Variants in TMEM232 observed in about 807,000 individuals in gnomAD.
TMEM232 encodes the protein transmembrane protein 232.
Under a neutral mutation model 78.8 loss-of-function variants are expected in TMEM232, and 80 were observed. The observed-to-expected ratio is 1.01, with a 90% CI of 0.85 to 1.22. TMEM232 has a LOEUF of 1.22. TMEM232 is among the 50% of genes most tolerant of loss of function. The pLI, the probability that TMEM232 is intolerant of heterozygous loss-of-function variation, is 0.00. For synonymous variants in TMEM232, 297 were observed against 254.3 expected (o/e 1.17, Z -1.60); for missense variants, 881 against 742.2 (o/e 1.19, Z -2.17).
At chr5:110,546,535 T>G (rs1160614369) in intron 11 of TMEM232, among the ~76,000 whole-genome samples, 2 of 152,120 alleles carry the variant, frequency 1.3e-5, no homozygotes, top group East Asian at 3.8e-4. Context: ...GGTAATAATA[T>G]TATTGTATAA....
chr5:110,566,632 C>A (rs1028737351), intron 11 of TMEM232, among the ~76,000 whole-genome samples: 1 of 151,966 alleles, frequency 6.6e-6, no homozygotes, highest in Non-Finnish European at 1.5e-5. Flanking sequence ...CCACCTCAGT[C>A]TGGACTTCAT....
chr5:110,667,406 CAT>C, intron 1 of TMEM232, 42 bp from the exon 2 acceptor site: 1 of 1,384,034 alleles, frequency 7.2e-7, no homozygotes, highest in Non-Finnish European at 9.5e-7. Context: ...CAAATGCACT[CAT>C]AGTATCAAAC....
intron 2 of TMEM232, among the ~76,000 whole-genome samples, chr5:110,659,463 C>A (rs1314307984): frequency 6.6e-6 from 1 of 152,054 alleles, no homozygotes; most frequent in Non-Finnish European, 1.5e-5. Flanking sequence ...CTTACAGGTG[C>A]CTGGGAGAGA....
chr5:110,565,790 A>T (rs1236165797), intron 11 of TMEM232, among the ~76,000 whole-genome samples: 1 of 151,940 alleles, frequency 6.6e-6, no homozygotes, highest in Non-Finnish European at 1.5e-5. Flanking sequence ...AAATATTAGC[A>T]ATATTAATGA....
chr5:110,680,396 CAAA>C (rs1189611727), intron 1 of TMEM232, among the ~76,000 whole-genome samples: 1 of 24,658 alleles, frequency 4.1e-5, no homozygotes, highest in South Asian at 2.0e-3. Context: ...GACTCTATCT[CAAA>C]AAAAAAAAAA....
intron 12 of TMEM232, among the ~76,000 whole-genome samples, chr5:110,436,013 A>G (rs1758392839): frequency 6.6e-6 from 1 of 151,922 alleles, no homozygotes; most frequent in South Asian, 2.1e-4. Flanking sequence ...CTTTACTTTT[A>G]GTTTTCAGAG....
At position 110,524,411 on chromosome 5, in the gene TMEM232, G is replaced by GAAAGA. The variant is rs202226775; in HGVS notation, c.1703+4172_1703+4176dup. On this transcript the variant is annotated intron_variant, in intron 12 of 13. Coordinates refer to ENST00000455884, the MANE Select transcript of TMEM232 (RefSeq NM_001039763.4). ...AGAAAGAAAGAAAGAAAGAAAGAAA[G>GAAAGA]AAAGAAAAGAAAAGAAAAGAAAAGA... is the stretch of plus-strand genomic sequence containing the variant. Among the ~76,000 whole-genome samples the GAAAGA allele has an allele frequency of 5.0e-3, 309 of 61,408 alleles. 3 individuals are homozygous for GAAAGA. Among genetic ancestry groups the GAAAGA allele is most frequent in the Admixed American group, 0.028 (167 of 5,966 alleles). 40.3% of individuals were successfully genotyped at this position (61,408 alleles called of 152,430 possible). A position where few individuals can be genotyped will look rare whatever the true frequency, so the allele number is the denominator to read the frequency against.
intron 12 of TMEM232, among the ~76,000 whole-genome samples, chr5:110,449,979 G>A (rs1333274645): frequency 1.3e-5 from 2 of 152,058 alleles, no homozygotes; most frequent in African/African-American, 4.8e-5. Context: ...GTTGGGTGAG[G>A]GACGTGGAGG....
chr5:110,709,742 AGAG>A (rs1365396195), intron 1 of TMEM232, among the ~76,000 whole-genome samples: 1 of 152,128 alleles, frequency 6.6e-6, no homozygotes, highest in Non-Finnish European at 1.5e-5. Context: ...AGCAGTACTA[AGAG>A]GAGAATTTAT....
At chr5:110,499,970 T>C (rs1041061860) in intron 12 of TMEM232, among the ~76,000 whole-genome samples, 1 of 152,100 alleles carries the variant, frequency 6.6e-6, no homozygotes, top group African/African-American at 2.4e-5. Flanking sequence ...CATTTACTAA[T>C]ATAGGCCAAA....
rs537736612 is a variant in TMEM232, at chr5:110,529,317, C to T, written c.1456-482G>A. Among the ~76,000 whole-genome samples the T allele has an allele frequency of 2.4e-4, 36 of 152,086 alleles. 1 individual carries two copies. Among genetic ancestry groups the T allele is most frequent in the African/African-American group, 8.7e-4 (36 of 41,466 alleles). On this transcript the variant is annotated intron_variant, in intron 11 of 13. Transcript: ENST00000455884. ...CTGGAGTGCAGTGGCACAATCTTGG[C>T]TCACTGCAACCTCCATCTCCTGGGT...
chr5:110,710,167 A>G (rs1018099741), intron 1 of TMEM232, among the ~76,000 whole-genome samples: 6 of 152,244 alleles, frequency 3.9e-5, no homozygotes, highest in Admixed American at 3.3e-4. Context: ...AATCTAGAGG[A>G]AGTAAATTGC....
intron 7 of TMEM232, among the ~76,000 whole-genome samples, chr5:110,618,778 T>A (rs578065508): frequency 6.6e-6 from 1 of 152,184 alleles, no homozygotes; most frequent in East Asian, 1.9e-4. Context: ...TTCACATGGG[T>A]CTCTTGTGTT....
At position 110,719,993 on chromosome 5, in the gene TMEM232, C is replaced by T. The variant is rs7720136; in HGVS notation, c.-13+6634G>A. On this transcript the variant is annotated intron_variant, in intron 1 of 13. Coordinates refer to ENST00000455884, the MANE Select transcript of TMEM232 (RefSeq NM_001039763.4). ...CTTACTTGTCCCTTGTTCTGGTTCTCGCTGGTGAACTAGATGTCCTGAAGT... is the reference window on the plus strand; with the variant it reads ...CTTACTTGTCCCTTGTTCTGGTTCTTGCTGGTGAACTAGATGTCCTGAAGT... Among the ~76,000 whole-genome samples the T allele has an allele frequency of 8.6e-3, 1,313 of 152,190 alleles. 16 individuals are homozygous for T. The highest frequency in any genetic ancestry group is 0.03 in the African/African-American group (1,240 of 41,532).
intron 12 of TMEM232, among the ~76,000 whole-genome samples, chr5:110,471,206 G>A (rs77462463): frequency 0.021 from 3,162 of 152,066 alleles, 76 homozygotes; most frequent in African/African-American, 0.059. Context: ...CAAGTCAGAA[G>A]AAAGAAAAAC....
intron 1 of TMEM232, among the ~76,000 whole-genome samples, chr5:110,723,956 A>G (rs1797909002): frequency 6.6e-6 from 1 of 152,172 alleles, no homozygotes; most frequent in Admixed American, 6.5e-5. Flanking sequence ...AAAACCACAT[A>G]CAAAGATGAT....
At chr5:110,528,907 A>C (rs1771013899) in intron 11 of TMEM232, 72 bp from the exon 12 acceptor site, 3 of 1,189,436 alleles carry the variant, frequency 2.5e-6, no homozygotes, top group Middle Eastern at 3.0e-4. Flanking sequence ...TGTATTATTA[A>C]ATTTTTTAAA....
chr5:110,457,672 C>G (rs971893278), intron 12 of TMEM232, among the ~76,000 whole-genome samples: 7 of 151,974 alleles, frequency 4.6e-5, no homozygotes, highest in Non-Finnish European at 1.0e-4. Context: ...GGAATTTACA[C>G]TAATTGCATT....
Position 110,642,332 on chromosome 5 carries a change from G to C in TMEM232, c.165C>G (p.Phe55Leu), listed in dbSNP as rs934887189. The C allele has an allele frequency of 6.5e-7, 1 of 1,536,278 alleles. No homozygotes were observed. Among genetic ancestry groups the C allele is most frequent in the Admixed American group, 2.1e-5 (1 of 48,000 alleles). ...FSITKEFILRFNQTQNSKEKE... is the reference protein window; with the variant it reads ...FSITKEFILRLNQTQNSKEKE... ...TCTCTTTGGAATTTTGTGTTTGATT[G>C]AATCTCAAGATGAATTCTTTTGTGA... The change falls in exon 3 of 14, where the codon TTC (phenylalanine) becomes TTG (leucine). Residue 55 changes from phenylalanine to leucine, a missense_variant. By Grantham distance (22) the Phe-to-Leu change is conservative. Coordinates refer to ENST00000455884, the MANE Select transcript of TMEM232 (RefSeq NM_001039763.4).
Sources: gnomAD v4.1 joint callset for allele counts (sites outside exome capture counted in the v4.1 genomes callset) on GRCh38, gnomAD v4.1.1 for gene constraint, MANE v1.5 for transcripts, NCBI Gene and HGNC (gene_info 2026-07-23, HGNC 2026-07-21) for gene names.